The following ARHGAP39 variants were observed in gnomAD, a reference collection of about 807,000 sequenced individuals.
The protein encoded by ARHGAP39 is rho GTPase-activating protein 39.
A neutral mutation model predicts 106.9 loss-of-function variants in ARHGAP39; 44 were observed. That is an observed-to-expected ratio of 0.41 (90% CI 0.32 to 0.53). ARHGAP39 has a LOEUF of 0.53. Ranked by LOEUF, ARHGAP39 falls within the 20% of genes least tolerant of loss-of-function variation. The pLI, the probability that ARHGAP39 is intolerant of heterozygous loss-of-function variation, is 0.21. For synonymous variants in ARHGAP39, 768 were observed against 693.2 expected (o/e 1.11, Z -1.69); for missense variants, 1,496 against 1,577.3 (o/e 0.95, Z 0.87).
At chr8:144,656,807 CAAAAAAAAAAAAAAAA>C (rs35058065) in intron 1 of ARHGAP39, among the ~76,000 whole-genome samples, 4 of 42,348 alleles carry the variant, frequency 9.4e-5, no homozygotes, top group Admixed American at 3.8e-4. Context: ...GACTCCATCT[CAAAAAAAAAAAAAAAA>C]AAAAAAAAAG....
intron 3 of ARHGAP39, among the ~76,000 whole-genome samples, chr8:144,568,282 C>T (rs981900938): frequency 4.0e-5 from 5 of 123,536 alleles, no homozygotes; most frequent in African/African-American, 1.2e-4. Context: ...TGCAGTGAGC[C>T]GAGATCACAC....
chr8:144,536,882 A>G (rs938350819), intron 7 of ARHGAP39, among the ~76,000 whole-genome samples: 2 of 152,246 alleles, frequency 1.3e-5, no homozygotes, highest in African/African-American at 2.4e-5. Flanking sequence ...GCATGCAGTC[A>G]GGGATGGCTT....
At chr8:144,608,156 CAAAAAAAAAAAAA>C (rs60966946) in intron 1 of ARHGAP39, among the ~76,000 whole-genome samples, 4 of 96,330 alleles carry the variant, frequency 4.2e-5, no homozygotes, top group Non-Finnish European at 2.0e-5. Context: ...GACTCTGTCT[CAAAAAAAAAAAAA>C]AAAAAAAAAA....
At chr8:144,594,088 C>CAAAAAAAAAAAAAAAAAAAAA (rs149748913) in intron 2 of ARHGAP39, among the ~76,000 whole-genome samples, 1 of 56,886 alleles carries the variant, frequency 1.8e-5, no homozygotes, top group Admixed American at 1.8e-4. Flanking sequence ...GACTCCGTCT[C>CAAAAAAAAAAAAAAAAAAAAA]AAAAAAAAAA....
intron 3 of ARHGAP39, among the ~76,000 whole-genome samples, chr8:144,558,553 A>G (rs989880996): frequency 4.6e-4 from 69 of 150,924 alleles, no homozygotes; most frequent in African/African-American, 1.6e-3. Context: ...TTGGCCTCCC[A>G]AAGTGCTGGC....
intron 10 of ARHGAP39, among the ~76,000 whole-genome samples, chr8:144,532,097 G>A (rs948623819): frequency 3.3e-5 from 5 of 152,032 alleles, no homozygotes; most frequent in Non-Finnish European, 7.4e-5. Flanking sequence ...TGGGGAGTGG[G>A]CTGCATTGCA....
chr8:144,585,435 G>A lies in ARHGAP39; in HGVS notation c.81-4158C>T, dbSNP rs563028854. Among the ~76,000 whole-genome samples the A allele has an allele frequency of 5.2e-4, 77 of 148,102 alleles. No homozygotes were observed. Among genetic ancestry groups the A allele is most frequent in the African/African-American group, 1.8e-3 (74 of 40,096 alleles). On this transcript the variant is annotated intron_variant, in intron 2 of 11. Transcript: ENST00000377307. The surrounding 1 kb of genome is among the most constrained non-coding windows in gnomAD (Gnocchi z 4.6). ...GGGCCAGCCAGGGGTACCCAGCACC[G>A]GCTCACCGAGAACCTGGAGGGGCCA... is the stretch of plus-strand genomic sequence containing the variant.
chr8:144,533,982 G>A (rs189896109), intron 8 of ARHGAP39, 147 bp downstream of exon 8: 16 of 866,800 alleles, frequency 1.8e-5, no homozygotes, highest in East Asian at 1.5e-4. Flanking sequence ...TCAGCCTAGC[G>A]TACCCCGCCA....
In ARHGAP39 at chr8:144,630,784, C is replaced by T. The variant is rs1821040986; in HGVS notation, c.-81-25089G>A. Among the ~76,000 whole-genome samples the T allele has an allele frequency of 2.0e-5, 3 of 152,260 alleles. No homozygotes were observed. The South Asian group carries it at 6.2e-4, about 32-fold the overall frequency. ...GTGAGGAGCTGGCCCTCCTCAGACGCCAACCGGCCAGGGCCTTGCTCACGG... is the reference window on the plus strand; with the variant it reads ...GTGAGGAGCTGGCCCTCCTCAGACGTCAACCGGCCAGGGCCTTGCTCACGG... On this transcript the variant is annotated intron_variant, in intron 1 of 11. Transcript: ENST00000377307.
intron 1 of ARHGAP39, among the ~76,000 whole-genome samples, chr8:144,634,989 C>T (rs1486354094): frequency 6.6e-6 from 1 of 152,276 alleles, no homozygotes; most frequent in Non-Finnish European, 1.5e-5. Flanking sequence ...ACTAAGCTCA[C>T]ACATTCACTT....
In ARHGAP39 at chr8:144,532,363, C is replaced by G; in HGVS notation, c.2922G>C (p.Leu974=). The change falls in exon 10 of 12, where the codon CTG becomes CTC. Residue 974 remains leucine (L), a synonymous_variant. Coordinates refer to ENST00000377307, the MANE Select transcript of ARHGAP39 (RefSeq NM_025251.3). The part of the protein sequence containing the change: ...VPGDIDEVNA[L]KLQVDQWKVP... ...CCTTCCACTGGTCCACCTGCAGCTT[C>G]AGGGCATTCACCTCGTCAATGTCCC... is the stretch of plus-strand genomic sequence containing the variant. 6.2e-7 allele frequency: 1 copy of G among 1,612,938 alleles called. No individual in the cohort carries two copies. Among genetic ancestry groups the G allele is most frequent in the Non-Finnish European group, 8.5e-7 (1 of 1,179,746 alleles).
intron 3 of ARHGAP39, among the ~76,000 whole-genome samples, chr8:144,574,785 G>C (rs1024797037): frequency 6.6e-6 from 1 of 152,252 alleles, no homozygotes; most frequent in African/African-American, 2.4e-5. Context: ...GAGCCTGGGA[G>C]TTGAAGGCTG....
intron 3 of ARHGAP39, among the ~76,000 whole-genome samples, chr8:144,573,097 A>G (rs1052163152): frequency 1.3e-5 from 2 of 152,234 alleles, no homozygotes; most frequent in African/African-American, 4.8e-5. Flanking sequence ...CCATCTCATT[A>G]CTGGGTATAT....
upstream of ARHGAP39, among the ~76,000 whole-genome samples, chr8:144,689,123 CAA>C (rs1427091977): frequency 5.9e-5 from 9 of 152,150 alleles, no homozygotes; most frequent in Admixed American, 5.9e-4. Flanking sequence ...GGGAGAAAAA[CAA>C]AGTTGGATCC....
Position 144,604,890 on chromosome 8 carries a change from G to A in ARHGAP39, c.80+645C>T, listed in dbSNP as rs1183062979. On this transcript the variant is annotated intron_variant, in intron 2 of 11. Coordinates refer to ENST00000377307, the MANE Select transcript of ARHGAP39 (RefSeq NM_025251.3). This position sits in a 1 kb window ranked among gnomAD's most constrained non-coding sequence, Gnocchi z 4.1. ...GCAATGCTAGCCACAGGGTCTCTGG[G>A]CAAGGGCACTCGAGCACTCATGGGG... Among the ~76,000 whole-genome samples, 1 of 152,218 alleles carries A rather than the reference G, an allele frequency of 6.6e-6. No individual in the cohort carries two copies. The highest frequency in any genetic ancestry group is 2.4e-5 in the African/African-American group (1 of 41,452).
chr8:144,583,342 C>T (rs1360250195), intron 2 of ARHGAP39, among the ~76,000 whole-genome samples: 1 of 152,254 alleles, frequency 6.6e-6, no homozygotes, highest in African/African-American at 2.4e-5. Context: ...CACCCAGATT[C>T]ACCGCGTGTC....
At chr8:144,655,307 C>A (rs2129661826) in intron 1 of ARHGAP39, among the ~76,000 whole-genome samples, 1 of 152,254 alleles carries the variant, frequency 6.6e-6, no homozygotes, top group Middle Eastern at 3.4e-3. Flanking sequence ...CATAAAAGCC[C>A]CGGGATCAGC....
upstream of ARHGAP39, among the ~76,000 whole-genome samples, chr8:144,686,801 G>A (rs1369479997): frequency 1.3e-5 from 2 of 152,182 alleles, no homozygotes; most frequent in Non-Finnish European, 2.9e-5. Context: ...CCAACTGGGC[G>A]AGCCCAACCC....
intron 1 of ARHGAP39, among the ~76,000 whole-genome samples, chr8:144,642,319 CT>C (rs1214879390): frequency 6.6e-6 from 1 of 152,048 alleles, no homozygotes; most frequent in African/African-American, 2.4e-5. Flanking sequence ...AACCCTGACT[CT>C]ACTAAAAATA....
Sources: allele counts gnomAD v4.1 joint callset (sites outside exome capture counted in the v4.1 genomes callset), GRCh38; gene constraint gnomAD v4.1.1; non-coding constraint Gnocchi (gnomAD v3.1); transcripts MANE v1.5; gene names NCBI Gene and HGNC (gene_info 2026-07-23, HGNC 2026-07-21).